CLIC5: variants seen among roughly 807,000 people sequenced by gnomAD.
CLIC5 encodes CLIC family member 5, also known as chloride intracellular channel protein 5.
Under a neutral mutation model 24.7 loss-of-function variants are expected in CLIC5, and 20 were observed. The ratio of observed to expected loss-of-function variants is 0.81; its 90% CI spans 0.57 to 1.18. CLIC5 has a LOEUF of 1.18. Ranked by LOEUF, CLIC5 falls within the 50% of genes most tolerant of loss-of-function variation. The probability of loss-of-function intolerance (pLI) is 0.00; values close to 1 mark genes in which losing one functional copy is unlikely to be tolerated. For missense variants in CLIC5, 341 were observed against 326.1 expected, an observed-to-expected ratio of 1.05 and a Z score of -0.35; for synonymous variants, 159 against 135.6, an observed-to-expected ratio of 1.17 and a Z score of -1.20.
chr6:46,014,035 G>T (rs1200530229), intron 1 of CLIC5, among the ~76,000 whole-genome samples: 1 of 152,134 alleles, frequency 6.6e-6, no homozygotes, highest in East Asian at 1.9e-4. Context: ...AATCCAGCCT[G>T]GGGTGGGGGT....
chr6:46,030,595 C>T (rs1767470981), intron 1 of CLIC5, among the ~76,000 whole-genome samples: 1 of 152,104 alleles, frequency 6.6e-6, no homozygotes, highest in South Asian at 2.1e-4. Context: ...AGGTTGGGAC[C>T]TGCTCCCTGT....
intron 3 of CLIC5, among the ~76,000 whole-genome samples, chr6:45,942,691 T>TA (rs1764173444): frequency 1.3e-5 from 2 of 152,252 alleles, no homozygotes; most frequent in Admixed American, 6.5e-5. Flanking sequence ...AACAAGACTT[T>TA]AAAAAATATT....
At chr6:46,050,853 A>ATGTG (rs56660827) in intron 1 of CLIC5, among the ~76,000 whole-genome samples, 8,905 of 148,614 alleles carry the variant, frequency 0.06, 352 homozygotes, top group Admixed American at 0.12. Context: ...GTGTGTGTGT[A>ATGTG]TGTGTGTGTG....
chr6:45,880,975 G>A, downstream of CLIC5: 1 of 394,744 alleles, frequency 2.5e-6, no homozygotes, highest in Non-Finnish European at 4.5e-6. Flanking sequence ...AGAGGGAATG[G>A]GGGGACGGGT....
intron 1 of CLIC5, among the ~76,000 whole-genome samples, chr6:46,059,985 T>C (rs1276718023): frequency 1.3e-5 from 2 of 152,208 alleles, no homozygotes; most frequent in Non-Finnish European, 2.9e-5. Flanking sequence ...TTGATTTGAT[T>C]TTTGTATATG....
At chr6:45,907,820 T>C (rs1762703713) in intron 5 of CLIC5, among the ~76,000 whole-genome samples, 1 of 152,158 alleles carries the variant, frequency 6.6e-6, no homozygotes, top group Non-Finnish European at 1.5e-5. Flanking sequence ...TTTGGTGAAG[T>C]CTGTAGGGTT....
intron 1 of CLIC5, among the ~76,000 whole-genome samples, chr6:45,996,563 A>G (rs1255340361): frequency 6.6e-6 from 1 of 152,034 alleles, no homozygotes; most frequent in Non-Finnish European, 1.5e-5. Flanking sequence ...CTTTCTACAT[A>G]TGGCTAGCCA....
Position 45,950,951 on chromosome 6 carries a change from A to AT in CLIC5, c.174-1571dup, listed in dbSNP as rs371268959. Among the ~76,000 whole-genome samples, 75 of 152,308 alleles carry AT rather than the reference A, an allele frequency of 4.9e-4. 1 individual carries two copies. The highest frequency in any genetic ancestry group is 1.8e-3 in the African/African-American group (73 of 41,580). ...GAAATTGTGCCTATTTTTAAAAATT[A>AT]TGGGGTTACTTAAATGTTATCTTAA... On this transcript the variant is annotated intron_variant, in intron 2 of 5. Transcript: ENST00000339561.
In CLIC5 at chr6:45,908,299, C is replaced by G. The variant is rs1425791537; in HGVS notation, c.589-5044G>C. Among the ~76,000 whole-genome samples, 3 of 152,044 alleles carry G rather than the reference C, an allele frequency of 2.0e-5. No homozygotes were observed. In the East Asian group the frequency reaches 5.8e-4, roughly 29 times the overall value. On this transcript the variant is annotated intron_variant, in intron 5 of 5. Coordinates refer to ENST00000339561, the MANE Select transcript of CLIC5 (RefSeq NM_016929.5). ...AGTTCTGCTCTGATTTTAGTTATTTCTTTTACTATACTAGCTTTGAGGTTA... is the reference window on the plus strand; with the variant it reads ...AGTTCTGCTCTGATTTTAGTTATTTGTTTTACTATACTAGCTTTGAGGTTA...
chr6:45,984,482 A>G (rs937691161), intron 1 of CLIC5, among the ~76,000 whole-genome samples: 1 of 152,184 alleles, frequency 6.6e-6, no homozygotes, highest in African/African-American at 2.4e-5. Flanking sequence ...TTTCTCTACC[A>G]GTAAAATGAG....
chr6:45,985,758 C>G (rs1225252423), intron 1 of CLIC5, among the ~76,000 whole-genome samples: 1 of 152,112 alleles, frequency 6.6e-6, no homozygotes. Context: ...TCCAGTGACT[C>G]TTTTTGGGTA....
intron 4 of CLIC5, among the ~76,000 whole-genome samples, chr6:45,932,085 C>T (rs1352880014): frequency 1.3e-5 from 2 of 152,140 alleles, no homozygotes; most frequent in African/African-American, 4.8e-5. Flanking sequence ...GCTGGCAGTC[C>T]ATTCTACAGA....
At chr6:45,935,347 A>G (rs933007914) in intron 4 of CLIC5, among the ~76,000 whole-genome samples, 1 of 152,208 alleles carries the variant, frequency 6.6e-6, no homozygotes. Flanking sequence ...TGGCTTGCAG[A>G]AGGTGGAGGC....
the CLIC5 span, among the ~76,000 whole-genome samples, chr6:46,125,583 T>G: frequency 2.2e-4 from 34 of 151,742 alleles, no homozygotes; most frequent in African/African-American, 7.2e-4. Flanking sequence ...AATTAAAATA[T>G]ATATATATAT....
chr6:45,982,026 T>G (rs1765586057), intron 1 of CLIC5, among the ~76,000 whole-genome samples: 1 of 149,284 alleles, frequency 6.7e-6, no homozygotes, highest in African/African-American at 2.5e-5. Flanking sequence ...AAGAAAGAAA[T>G]ATAGGGGACA....
chr6:46,040,108 A>G (rs6458486), intron 1 of CLIC5, among the ~76,000 whole-genome samples: 112,742 of 152,152 alleles, frequency 0.74, 42,031 homozygotes, highest in Admixed American at 0.81. Context: ...ATTAATGTAA[A>G]TAAACCATTC....
At chr6:46,042,899 T>G (rs145810646) in intron 1 of CLIC5, among the ~76,000 whole-genome samples, 1 of 152,230 alleles carries the variant, frequency 6.6e-6, no homozygotes, top group East Asian at 1.9e-4. Flanking sequence ...ACTACATGCC[T>G]CCCTCAACAG....
the CLIC5 span, among the ~76,000 whole-genome samples, chr6:46,123,318 C>A: frequency 6.6e-6 from 1 of 152,088 alleles, no homozygotes; most frequent in Admixed American, 6.6e-5. Flanking sequence ...ATTAACAGAA[C>A]CAAAGACAAA....
intron 1 of CLIC5, among the ~76,000 whole-genome samples, chr6:46,049,336 T>C (rs1026087238): frequency 6.6e-6 from 1 of 152,210 alleles, no homozygotes; most frequent in Admixed American, 6.5e-5. Context: ...GTGATAAAGT[T>C]ACAAATGCTC....
Sources: allele counts gnomAD v4.1 joint callset (sites outside exome capture counted in the v4.1 genomes callset), GRCh38; gene constraint gnomAD v4.1.1; transcripts MANE v1.5; gene names NCBI Gene and HGNC (gene_info 2026-07-23, HGNC 2026-07-21).